The following PLCB1 variants were observed in gnomAD, a reference collection of about 807,000 sequenced individuals.
PLCB1 encodes phospholipase C beta 1.
A neutral mutation model predicts 161.8 loss-of-function variants in PLCB1; 46 were observed. The ratio of observed to expected loss-of-function variants is 0.28; its 90% CI spans 0.22 to 0.36. The LOEUF is 0.36. Ranked by LOEUF, PLCB1 falls within the 10% of genes least tolerant of loss-of-function variation. The probability of loss-of-function intolerance (pLI) is 1.00; values close to 1 mark genes in which losing one functional copy is unlikely to be tolerated. For synonymous variants in PLCB1, 517 were observed against 503.7 expected, an observed-to-expected ratio of 1.03 and a Z score of -0.35; for missense variants, 1,016 against 1,472.5, an observed-to-expected ratio of 0.69 and a Z score of 5.07.
chr20:8,282,425 T>C (rs1054057211), intron 2 of PLCB1, among the ~76,000 whole-genome samples: 1 of 152,230 alleles, frequency 6.6e-6, no homozygotes, highest in African/African-American at 2.4e-5. Context: ...TTTTAAGTCA[T>C]CTGACATTTT....
intron 3 of PLCB1, among the ~76,000 whole-genome samples, chr20:8,619,280 G>C (rs763660625): frequency 3.9e-5 from 6 of 152,036 alleles, no homozygotes; most frequent in Non-Finnish European, 7.4e-5. Flanking sequence ...TTAGCCGGGC[G>C]TGGTGGCATG....
intron 2 of PLCB1, among the ~76,000 whole-genome samples, chr20:8,332,391 A>G (rs1568635253): frequency 6.6e-6 from 1 of 152,254 alleles, no homozygotes; most frequent in Non-Finnish European, 1.5e-5. Flanking sequence ...CCCAAAATAC[A>G]TAGAATTTCA....
At chr20:8,661,483 G>A (rs6108172) in intron 9 of PLCB1, among the ~76,000 whole-genome samples, 325 of 151,976 alleles carry the variant, frequency 2.1e-3, no homozygotes, top group African/African-American at 7.6e-3. Flanking sequence ...TCCAGCACCC[G>A]TTCAGAAGTT....
chr20:8,269,896 TAA>T (rs56376722), intron 2 of PLCB1, among the ~76,000 whole-genome samples: 55 of 144,528 alleles, frequency 3.8e-4, no homozygotes, highest in African/African-American at 1.4e-3. Flanking sequence ...TCTTTTCCTT[TAA>T]AAAAAAAAAG....
chr20:8,313,362 T>C (rs1175496693), intron 2 of PLCB1, among the ~76,000 whole-genome samples: 2 of 151,912 alleles, frequency 1.3e-5, no homozygotes, highest in East Asian at 3.9e-4. Context: ...TGGTTCTCAT[T>C]CTCCAGCAGG....
intron 3 of PLCB1, among the ~76,000 whole-genome samples, chr20:8,587,179 A>T (rs569927793): frequency 1.9e-4 from 27 of 144,394 alleles, no homozygotes; most frequent in East Asian, 1.4e-3. Context: ...TCAATTAAAA[A>T]ATATATATAT....
chr20:8,636,344 C>T (rs1225387326), intron 4 of PLCB1, among the ~76,000 whole-genome samples: 1 of 152,160 alleles, frequency 6.6e-6, no homozygotes, highest in East Asian at 1.9e-4. Context: ...CAAATTCTTA[C>T]TGTGTCAATA....
chr20:8,715,476 C>T (rs371145992), intron 12 of PLCB1, among the ~76,000 whole-genome samples: 3 of 152,184 alleles, frequency 2.0e-5, no homozygotes, highest in Non-Finnish European at 2.9e-5. Context: ...TTTCCAAGAA[C>T]GGTTATTATT....
At chr20:8,519,884 T>C (rs557275436) in intron 3 of PLCB1, among the ~76,000 whole-genome samples, 4 of 152,324 alleles carry the variant, frequency 2.6e-5, no homozygotes, top group African/African-American at 4.8e-5. Flanking sequence ...TCCTGATCAA[T>C]AATGTGCAAA....
chr20:8,564,012 A>G (rs767179270), intron 3 of PLCB1, among the ~76,000 whole-genome samples: 29 of 152,278 alleles, frequency 1.9e-4, no homozygotes, highest in Non-Finnish European at 3.5e-4. Flanking sequence ...TTTCATATGG[A>G]ACCAAAAAAG....
chr20:8,852,954 C>T (rs1986940175), intron 31 of PLCB1, among the ~76,000 whole-genome samples: 1 of 152,200 alleles, frequency 6.6e-6, no homozygotes, highest in Non-Finnish European at 1.5e-5. Flanking sequence ...TACAGTGTGG[C>T]AGCCCCCATA....
intron 4 of PLCB1, among the ~76,000 whole-genome samples, chr20:8,629,999 T>G (rs889442176): frequency 9.2e-6 from 1 of 108,332 alleles, no homozygotes; most frequent in African/African-American, 4.0e-5. Context: ...TCTTTCTTTC[T>G]TTCTTTCTTT....
chr20:8,238,447 T>C (rs1479936821), intron 2 of PLCB1, among the ~76,000 whole-genome samples: 1 of 152,030 alleles, frequency 6.6e-6, no homozygotes, highest in Non-Finnish European at 1.5e-5. Context: ...TATCTGAAGT[T>C]AAGCTCCAGG....
intron 31 of PLCB1, among the ~76,000 whole-genome samples, chr20:8,799,221 G>A (rs1359746669): frequency 6.6e-6 from 1 of 152,184 alleles, no homozygotes; most frequent in Non-Finnish European, 1.5e-5. Context: ...ACTGGATAGA[G>A]GGCAGAGGCT....
chr20:8,346,453 A>T (rs1253502052), intron 2 of PLCB1, among the ~76,000 whole-genome samples: 1 of 152,234 alleles, frequency 6.6e-6, no homozygotes, highest in Non-Finnish European at 1.5e-5. Flanking sequence ...CAAGGCCCCT[A>T]GCTTAATAAA....
At chr20:8,758,189 C>G (rs769256780) in intron 24 of PLCB1, among the ~76,000 whole-genome samples, 7 of 148,896 alleles carry the variant, frequency 4.7e-5, no homozygotes, top group Non-Finnish European at 8.9e-5. Flanking sequence ...CCAGTAGATC[C>G]AGATCTTTTA....
chr20:8,732,342 G>A (rs1447844341), intron 18 of PLCB1, among the ~76,000 whole-genome samples: 1 of 151,852 alleles, frequency 6.6e-6, no homozygotes, highest in Non-Finnish European at 1.5e-5. Context: ...TTTTAGCAAG[G>A]CATCAAAGAA....
chr20:8,710,948 T>C (rs1162262398), intron 12 of PLCB1, among the ~76,000 whole-genome samples: 3 of 152,196 alleles, frequency 2.0e-5, no homozygotes, highest in African/African-American at 7.2e-5. Flanking sequence ...TAGCTAACCT[T>C]TATTAATAGC....
chr20:8,718,563 C>T (rs1195923183), intron 14 of PLCB1, among the ~76,000 whole-genome samples: 2 of 152,196 alleles, frequency 1.3e-5, no homozygotes, highest in Non-Finnish European at 2.9e-5. Flanking sequence ...CTCCTGTGGT[C>T]ACATCTCCCT....
Sources: gnomAD v4.1 joint callset for allele counts (sites outside exome capture counted in the v4.1 genomes callset) on GRCh38, gnomAD v4.1.1 for gene constraint, MANE v1.5 for transcripts, NCBI Gene and HGNC (gene_info 2026-07-23, HGNC 2026-07-21) for gene names.